The following RCAN2 variants were observed in gnomAD, a reference collection of about 807,000 sequenced individuals.
RCAN2 encodes calcipressin-2.
RCAN2 carries 9 observed loss-of-function variants against 23.6 expected under a neutral mutation model. The ratio of observed to expected loss-of-function variants is 0.38; its 90% CI spans 0.23 to 0.67. RCAN2 has a LOEUF of 0.67. RCAN2 is among the 30% of genes least tolerant of loss of function. The probability of loss-of-function intolerance (pLI) is 0.51; values close to 1 mark genes in which losing one functional copy is unlikely to be tolerated. For missense variants in RCAN2, 273 were observed against 302.3 expected, an observed-to-expected ratio of 0.90 and a Z score of 0.72; for synonymous variants, 109 against 115.7, an observed-to-expected ratio of 0.94 and a Z score of 0.37.
At chr6:46,460,938 C>T (rs1388944509) in intron 1 of RCAN2, among the ~76,000 whole-genome samples, 1 of 152,062 alleles carries the variant, frequency 6.6e-6, no homozygotes. Flanking sequence ...TGTAATTTTA[C>T]AAATGAAAGA....
At chr6:46,319,170 A>G (rs1763533618) in intron 2 of RCAN2, among the ~76,000 whole-genome samples, 1 of 152,222 alleles carries the variant, frequency 6.6e-6, no homozygotes, top group Non-Finnish European at 1.5e-5. Flanking sequence ...GCAAAGTTGC[A>G]ATGCCTATTA....
At chr6:46,231,420 T>G (rs1481427387) in intron 4 of RCAN2, among the ~76,000 whole-genome samples, 1 of 151,946 alleles carries the variant, frequency 6.6e-6, no homozygotes, top group Non-Finnish European at 1.5e-5. Flanking sequence ...GCATTTTTTT[T>G]TTTTTTTGAG....
intron 2 of RCAN2, among the ~76,000 whole-genome samples, chr6:46,417,461 T>A (rs756784232): frequency 1.3e-5 from 2 of 152,196 alleles, no homozygotes; most frequent in Non-Finnish European, 2.9e-5. Flanking sequence ...GATAATGAAC[T>A]CAGATTAAAA....
intron 1 of RCAN2, among the ~76,000 whole-genome samples, chr6:46,458,818 A>C (rs746582889): frequency 2.0e-5 from 3 of 152,246 alleles, no homozygotes; most frequent in Admixed American, 6.5e-5. Flanking sequence ...CAATTGTTTT[A>C]ATAGTAAAAA....
At chr6:46,470,645 T>C (rs1409226420) in intron 1 of RCAN2, among the ~76,000 whole-genome samples, 1 of 152,242 alleles carries the variant, frequency 6.6e-6, no homozygotes, top group African/African-American at 2.4e-5. Context: ...TTCACTTACT[T>C]TTCTCATTTT....
chr6:46,307,512 C>A (rs1203706375), intron 2 of RCAN2, among the ~76,000 whole-genome samples: 1 of 151,910 alleles, frequency 6.6e-6, no homozygotes, highest in East Asian at 1.9e-4. Flanking sequence ...ATGCCTACAT[C>A]CAAAAGGTGA....
At chr6:46,351,569 G>C (rs1255404464) in intron 2 of RCAN2, among the ~76,000 whole-genome samples, 1 of 152,168 alleles carries the variant, frequency 6.6e-6, no homozygotes. Context: ...GCTCTCACAA[G>C]ATACACAGGT....
chr6:46,368,781 G>C (rs1299895942), intron 2 of RCAN2, among the ~76,000 whole-genome samples: 1 of 152,174 alleles, frequency 6.6e-6, no homozygotes, highest in African/African-American at 2.4e-5. Context: ...ACGAGTCAGG[G>C]AGTGAGTGGC....
At chr6:46,428,804 G>A (rs1170535277) in intron 2 of RCAN2, among the ~76,000 whole-genome samples, 1 of 152,094 alleles carries the variant, frequency 6.6e-6, no homozygotes, top group Non-Finnish European at 1.5e-5. Flanking sequence ...CTTCCACTCT[G>A]CTAAATTAGT....
At chr6:46,405,658 A>G (rs1298473315) in intron 2 of RCAN2, among the ~76,000 whole-genome samples, 1 of 152,212 alleles carries the variant, frequency 6.6e-6, no homozygotes, top group African/African-American at 2.4e-5. Context: ...AGCTAGACAT[A>G]AAGACTCCAT....
intron 2 of RCAN2, among the ~76,000 whole-genome samples, chr6:46,292,937 T>C (rs1762615070): frequency 6.6e-6 from 1 of 152,190 alleles, no homozygotes; most frequent in Admixed American, 6.5e-5. Flanking sequence ...TGTGTTCTCA[T>C]TGTTCAACTC....
intron 2 of RCAN2, among the ~76,000 whole-genome samples, chr6:46,395,910 T>C (rs755867431): frequency 6.6e-6 from 1 of 152,222 alleles, no homozygotes; most frequent in Non-Finnish European, 1.5e-5. Flanking sequence ...TTGAGTTCTG[T>C]GTGCAATGTC....
chr6:46,223,780 G>A (rs1216857637), intron 4 of RCAN2, among the ~76,000 whole-genome samples: 1 of 152,196 alleles, frequency 6.6e-6, no homozygotes, highest in Non-Finnish European at 1.5e-5. Context: ...GGAATAAGGT[G>A]GGGTTATCAC....
In RCAN2 at chr6:46,435,519, T is replaced by A. The variant is rs150497666; in HGVS notation, c.225+21233A>T. Among the ~76,000 whole-genome samples, 82 of 152,328 alleles carry A rather than the reference T, an allele frequency of 5.4e-4. No individual in the cohort carries two copies. The East Asian group carries it at 0.014, about 25-fold the overall frequency. ...CTTCTCTTTCCCATGCAAATGTTAA[T>A]TCCTTCTAAAGTAATTGGACCTGCT... On this transcript the variant is annotated intron_variant, in intron 2 of 4. Coordinates refer to ENST00000371374, the MANE Select transcript of RCAN2 (RefSeq NM_001251974.2).
At chr6:46,298,233 T>A (rs1474794082) in intron 2 of RCAN2, among the ~76,000 whole-genome samples, 2 of 152,130 alleles carry the variant, frequency 1.3e-5, no homozygotes, top group Non-Finnish European at 2.9e-5. Context: ...TTCAATACTG[T>A]GAAATATTTT....
intron 2 of RCAN2, among the ~76,000 whole-genome samples, chr6:46,408,139 G>A (rs905986071): frequency 6.6e-6 from 1 of 152,170 alleles, no homozygotes; most frequent in Non-Finnish European, 1.5e-5. Flanking sequence ...TTTCAAGGGC[G>A]CCTCTGTCAG....
Position 46,246,699 on chromosome 6 carries a change from T to C in RCAN2, c.571+49A>G, listed in dbSNP as rs138116839. 5.4e-4 allele frequency: 843 copies of C among 1,568,286 alleles called. 6 individuals carry two copies. The African/African-American group carries it at 9.9e-3, about 18-fold the overall frequency. On this transcript the variant is annotated intron_variant, in intron 4 of 4. Transcript: ENST00000371374. Reference sequence around the variant, plus strand: ...AAGGTTGTTAATCTCATTTGGCTTTTCTAGGTTGCTGACAAACGTTTATTT... The same window carrying C: ...AAGGTTGTTAATCTCATTTGGCTTTCCTAGGTTGCTGACAAACGTTTATTT...
intron 2 of RCAN2, among the ~76,000 whole-genome samples, chr6:46,443,828 TG>T: frequency 6.6e-6 from 1 of 152,336 alleles, no homozygotes; most frequent in Non-Finnish European, 1.5e-5. Context: ...CAGCCAACTT[TG>T]TTTTTGGAAC....
chr6:46,315,338 C>T (rs1763397666), intron 2 of RCAN2, among the ~76,000 whole-genome samples: 3 of 152,094 alleles, frequency 2.0e-5, no homozygotes, highest in African/African-American at 7.2e-5. Flanking sequence ...AATACATGAA[C>T]ACACAATACA....
Sources: allele counts gnomAD v4.1 joint callset (sites outside exome capture counted in the v4.1 genomes callset), GRCh38; gene constraint gnomAD v4.1.1; transcripts MANE v1.5; gene names NCBI Gene and HGNC (gene_info 2026-07-23, HGNC 2026-07-21).